Variants in PARD3B observed in about 807,000 individuals in gnomAD.
PARD3B encodes the protein partitioning defective 3 homolog B.
A neutral mutation model predicts 130.2 loss-of-function variants in PARD3B; 103 were observed. That is an observed-to-expected ratio of 0.79 (90% CI 0.67 to 0.93). PARD3B has a LOEUF of 0.93. Among genes scored for constraint, PARD3B ranks in the 40% least tolerant of loss-of-function variants. The pLI is 0.00. For missense variants in PARD3B, 1,609 were observed against 1,499.2 expected, an observed-to-expected ratio of 1.07 and a Z score of -1.21; for synonymous variants, 583 against 553.2, an observed-to-expected ratio of 1.05 and a Z score of -0.76.
chr2:204,635,018 C>G (rs1043637479), intron 1 of PARD3B, among the ~76,000 whole-genome samples: 4 of 152,086 alleles, frequency 2.6e-5, no homozygotes, highest in African/African-American at 9.7e-5. Context: ...GTTGATTTCC[C>G]AGAATCCTCA....
intron 22 of PARD3B, among the ~76,000 whole-genome samples, chr2:205,567,414 A>T (rs2053390467): frequency 7.3e-6 from 1 of 136,690 alleles, no homozygotes; most frequent in Non-Finnish European, 1.5e-5. Context: ...TCCCAGGTTC[A>T]CACCATTCTC....
At chr2:205,418,344 T>G (rs951697910) in intron 19 of PARD3B, among the ~76,000 whole-genome samples, 1 of 152,166 alleles carries the variant, frequency 6.6e-6, no homozygotes, top group African/African-American at 2.4e-5. Context: ...CAGCAAATAT[T>G]AATTGAGCAT....
chr2:204,571,677 G>A (rs774162037), intron 1 of PARD3B, among the ~76,000 whole-genome samples: 5 of 152,064 alleles, frequency 3.3e-5, no homozygotes, highest in Admixed American at 6.6e-5. Flanking sequence ...TTGTTTTGTT[G>A]TTTGCTTTTT....
At chr2:205,048,533 C>G (rs1002978346) in intron 4 of PARD3B, 1 of 152,060 alleles carries the variant, frequency 6.6e-6, no homozygotes, top group African/African-American at 2.4e-5. Context: ...GATAACATAG[C>G]CATATTAAAA....
At chr2:205,528,723 C>G (rs1043854724) in intron 21 of PARD3B, among the ~76,000 whole-genome samples, 1 of 152,104 alleles carries the variant, frequency 6.6e-6, no homozygotes, top group Non-Finnish European at 1.5e-5. Context: ...ATCTCTTGAC[C>G]TCGTGATCAG....
chr2:205,401,074 G>A lies in PARD3B; in HGVS notation c.2692G>A (p.Gly898Ser). 1 of 1,603,434 alleles carries A rather than the reference G, an allele frequency of 6.2e-7. No homozygotes were observed. Among genetic ancestry groups the A allele is most frequent in the Non-Finnish European group, 8.5e-7 (1 of 1,175,082 alleles). ...TGAGCAGAAAGGTACTCTGAAACATGGTGGCCTGAGAGAAGAAGAGCTGGA... is the reference window on the plus strand; with the variant it reads ...TGAGCAGAAAGGTACTCTGAAACATAGTGGCCTGAGAGAAGAAGAGCTGGA... ...KAEQKGTLKH[G>S]GLREEELEKM... The change falls in exon 19 of 23, where the codon GGT (glycine) becomes AGT (serine). Residue 898 changes from glycine (G) to serine (S), a missense_variant. Gly to Ser is a moderately conservative substitution (Grantham distance 56). Transcript: ENST00000406610.
chr2:205,113,871 G>A (rs921284741), intron 6 of PARD3B, among the ~76,000 whole-genome samples: 1 of 152,146 alleles, frequency 6.6e-6, no homozygotes, highest in Non-Finnish European at 1.5e-5. Flanking sequence ...TGGCAAAGAT[G>A]TTAACATATT....
At chr2:204,898,675 T>C (rs1365471175) in intron 2 of PARD3B, among the ~76,000 whole-genome samples, 1 of 152,212 alleles carries the variant, frequency 6.6e-6, no homozygotes, top group African/African-American at 2.4e-5. Flanking sequence ...TATTTCTTTG[T>C]TGATGTTCTC....
chr2:204,577,653 C>T (rs1488677078), intron 1 of PARD3B, among the ~76,000 whole-genome samples: 2 of 152,190 alleles, frequency 1.3e-5, no homozygotes, highest in South Asian at 2.1e-4. Flanking sequence ...CTCACCGTAA[C>T]CTTGAACACC....
At chr2:204,648,620 T>C (rs1289935532) in intron 1 of PARD3B, among the ~76,000 whole-genome samples, 1 of 123,920 alleles carries the variant, frequency 8.1e-6, no homozygotes, top group African/African-American at 3.1e-5. Flanking sequence ...TTATATATAC[T>C]ATAATTTATA....
chr2:205,079,385 G>A (rs938395566), intron 4 of PARD3B, among the ~76,000 whole-genome samples: 6 of 152,144 alleles, frequency 3.9e-5, no homozygotes, highest in African/African-American at 1.4e-4. Flanking sequence ...CTAAGATAAG[G>A]CACCAGCAGA....
chr2:205,390,110 TAC>T (rs1160801513), intron 18 of PARD3B, among the ~76,000 whole-genome samples: 1 of 151,816 alleles, frequency 6.6e-6, no homozygotes, highest in Non-Finnish European at 1.5e-5. Flanking sequence ...TTACCAGCTC[TAC>T]CATGCATTAA....
chr2:205,124,447 C>T lies in PARD3B; in HGVS notation c.1286C>T (p.Ser429Leu). ...GAAIKDGRLQSGDRILEVNGR... is the reference protein window; with the variant it reads ...GAAIKDGRLQLGDRILEVNGR... ...GCAATAAAAGATGGCCGCCTACAAT[C>T]AGGGGACAGAATTTTGGAGGTAAGA... Residue 429 changes from serine (S) to leucine (L), a missense_variant, in exon 9 of 23, where the codon TCA becomes TTA. Coordinates refer to ENST00000406610, the MANE Select transcript of PARD3B (RefSeq NM_001302769.2). 6.3e-7 allele frequency: 1 copy of T among 1,596,840 alleles called. No homozygotes were observed. The highest frequency in any genetic ancestry group is 8.5e-7 in the Non-Finnish European group (1 of 1,171,410).
intron 16 of PARD3B, among the ~76,000 whole-genome samples, chr2:205,259,264 T>G (rs564184550): frequency 6.6e-6 from 1 of 152,220 alleles, no homozygotes; most frequent in Non-Finnish European, 1.5e-5. Flanking sequence ...TTCTGAAGTA[T>G]GCCTTCCAGA....
Position 205,147,863 on chromosome 2 carries a change from CTTACATTTTTCCT to C in PARD3B, c.1435-10856_1435-10844del, listed in dbSNP as rs1409229899. ...CTTCTCTTATTTATTGCAACGTTAACTTACATTTTTCCTTTCTTTATGAGTGACGTAATATTGA... is the reference window on the plus strand; with the variant it reads ...CTTCTCTTATTTATTGCAACGTTAACTTCTTTATGAGTGACGTAATATTGA... On this transcript the variant is annotated intron_variant, in intron 10 of 22. Transcript: ENST00000406610. Among the ~76,000 whole-genome samples, 10 of 152,218 alleles carry C rather than the reference CTTACATTTTTCCT, an allele frequency of 6.6e-5. No homozygotes were observed. In the East Asian group the frequency reaches 1.7e-3, roughly 26 times the overall value.
At chr2:204,649,463 T>G (rs1191569930) in intron 1 of PARD3B, among the ~76,000 whole-genome samples, 1 of 152,010 alleles carries the variant, frequency 6.6e-6, no homozygotes, top group Non-Finnish European at 1.5e-5. Context: ...CAAAGGAGTT[T>G]CCTTACATTT....
At chr2:204,620,021 A>G (rs2034242795) in intron 1 of PARD3B, among the ~76,000 whole-genome samples, 1 of 151,942 alleles carries the variant, frequency 6.6e-6, no homozygotes, top group Non-Finnish European at 1.5e-5. Context: ...TCTTTTTTTG[A>G]GATGGAATCT....
intron 15 of PARD3B, among the ~76,000 whole-genome samples, chr2:205,226,962 C>T (rs1382485222): frequency 6.6e-6 from 1 of 152,036 alleles, no homozygotes; most frequent in East Asian, 1.9e-4. Flanking sequence ...TGGTTAATTT[C>T]CATGTGTTTA....
intron 3 of PARD3B, among the ~76,000 whole-genome samples, chr2:204,972,314 G>C (rs1433509271): frequency 6.6e-6 from 1 of 152,026 alleles, no homozygotes; most frequent in African/African-American, 2.4e-5. Flanking sequence ...TTGAGAACAT[G>C]CTATAGTTTT....
Sources: allele counts gnomAD v4.1 joint callset (sites outside exome capture counted in the v4.1 genomes callset), GRCh38; gene constraint gnomAD v4.1.1; transcripts MANE v1.5; gene names NCBI Gene and HGNC (gene_info 2026-07-23, HGNC 2026-07-21).